Variants in GMDS observed in about 807,000 individuals in gnomAD.
GMDS encodes GDP-mannose 4,6 dehydratase.
GMDS carries 20 observed loss-of-function variants against 49.9 expected under a neutral mutation model. The observed-to-expected ratio is 0.40, with a 90% CI of 0.28 to 0.58. GMDS has a LOEUF of 0.58. Ranked by LOEUF, GMDS falls within the 20% of genes least tolerant of loss-of-function variation. The probability of loss-of-function intolerance (pLI) is 0.42; values close to 1 mark genes in which losing one functional copy is unlikely to be tolerated. For missense variants in GMDS, 362 were observed against 481.4 expected (o/e 0.75, Z 2.32); for synonymous variants, 177 against 178.6 (o/e 0.99, Z 0.07).
chr6:2,185,363 C>T (rs545090503), intron 1 of GMDS, among the ~76,000 whole-genome samples: 22 of 152,244 alleles, frequency 1.4e-4, no homozygotes, highest in Admixed American at 5.9e-4. Context: ...TGTACACCAC[C>T]ATTTCTTCCT....
chr6:1,977,772 G>A (rs187530495), intron 4 of GMDS, among the ~76,000 whole-genome samples: 13 of 152,264 alleles, frequency 8.5e-5, no homozygotes, highest in African/African-American at 3.1e-4. Context: ...AGATCCCCTC[G>A]TGAGCCCATG....
At chr6:2,194,501 T>C (rs924936902) in intron 1 of GMDS, among the ~76,000 whole-genome samples, 4 of 152,230 alleles carry the variant, frequency 2.6e-5, no homozygotes, top group African/African-American at 9.6e-5. Context: ...TAACACTAAA[T>C]TATATCTTTA....
At chr6:1,702,535 G>A (rs1236204115) in intron 9 of GMDS, among the ~76,000 whole-genome samples, 1 of 152,188 alleles carries the variant, frequency 6.6e-6, no homozygotes, top group Non-Finnish European at 1.5e-5. Context: ...ATCCACACTT[G>A]CTATGACTGA....
chr6:1,687,038 C>T (rs1363788984), intron 9 of GMDS, among the ~76,000 whole-genome samples: 1 of 152,166 alleles, frequency 6.6e-6, no homozygotes, highest in African/African-American at 2.4e-5. Context: ...TGTTTAAAAT[C>T]ACAAGTAGGA....
chr6:1,909,983 G>C (rs977100082), intron 7 of GMDS, among the ~76,000 whole-genome samples: 4 of 152,192 alleles, frequency 2.6e-5, no homozygotes, highest in Non-Finnish European at 5.9e-5. Flanking sequence ...CTGAGATGAG[G>C]TGTGCTGTGA....
chr6:2,162,487 T>C (rs1263101328), intron 1 of GMDS, among the ~76,000 whole-genome samples: 1 of 152,186 alleles, frequency 6.6e-6, no homozygotes, highest in African/African-American at 2.4e-5. Context: ...TTGAAAGTAC[T>C]TGTCTGCTAA....
At chr6:1,978,066 C>T (rs1033605114) in intron 4 of GMDS, among the ~76,000 whole-genome samples, 1 of 152,184 alleles carries the variant, frequency 6.6e-6, no homozygotes, top group African/African-American at 2.4e-5. Context: ...AGAGTGGAGA[C>T]TGCCTGAGAC....
chr6:1,817,311 C>A (rs1770713803), intron 7 of GMDS, among the ~76,000 whole-genome samples: 1 of 152,062 alleles, frequency 6.6e-6, no homozygotes, highest in African/African-American at 2.4e-5. Flanking sequence ...TCCAATTTCA[C>A]CACAAAATGT....
At chr6:1,662,602 A>G (rs1764116353) in intron 9 of GMDS, among the ~76,000 whole-genome samples, 1 of 152,166 alleles carries the variant, frequency 6.6e-6, no homozygotes, top group Non-Finnish European at 1.5e-5. Flanking sequence ...TGTCTGTACC[A>G]CTGGAACATC....
chr6:2,079,067 G>C (rs191340228), intron 4 of GMDS, among the ~76,000 whole-genome samples: 1 of 53,454 alleles, frequency 1.9e-5, no homozygotes, highest in East Asian at 5.5e-4. Context: ...CTTAAAGTCT[G>C]TTTTATCTGA....
intron 4 of GMDS, among the ~76,000 whole-genome samples, chr6:1,985,525 T>C (rs1765495356): frequency 6.6e-6 from 1 of 152,038 alleles, no homozygotes; most frequent in Non-Finnish European, 1.5e-5. Context: ...TCTTTAACAA[T>C]GACTTTTAAA....
chr6:2,148,793 A>T (rs1581714154), intron 1 of GMDS, among the ~76,000 whole-genome samples: 1 of 152,212 alleles, frequency 6.6e-6, no homozygotes. Flanking sequence ...TTTGTCAAAG[A>T]GGTGAAGTTT....
chr6:1,989,485 A>G (rs1765787966), intron 4 of GMDS, among the ~76,000 whole-genome samples: 1 of 152,264 alleles, frequency 6.6e-6, no homozygotes, highest in Non-Finnish European at 1.5e-5. Context: ...TCACATGTTC[A>G]TATTTTCACC....
At chr6:1,813,667 C>T (rs1183040587) in intron 7 of GMDS, among the ~76,000 whole-genome samples, 4 of 152,154 alleles carry the variant, frequency 2.6e-5, no homozygotes, top group South Asian at 2.1e-4. Flanking sequence ...CATCCCCATG[C>T]GACACGTAAG....
intron 7 of GMDS, among the ~76,000 whole-genome samples, chr6:1,794,742 C>T (rs375872735): frequency 3.9e-5 from 6 of 152,254 alleles, no homozygotes; most frequent in East Asian, 1.9e-4. Context: ...GTGTACTATT[C>T]GGGACACGTC....
intron 7 of GMDS, among the ~76,000 whole-genome samples, chr6:1,846,762 T>C (rs1203355718): frequency 6.6e-6 from 1 of 152,206 alleles, no homozygotes; most frequent in Non-Finnish European, 1.5e-5. Flanking sequence ...GAAGACTGTG[T>C]GTACCGGAAA....
intron 9 of GMDS, among the ~76,000 whole-genome samples, chr6:1,687,649 G>A (rs1765022681): frequency 6.6e-6 from 1 of 152,182 alleles, no homozygotes; most frequent in Non-Finnish European, 1.5e-5. Flanking sequence ...TTCCATTCTA[G>A]CGGGAGGAGA....
intron 1 of GMDS, among the ~76,000 whole-genome samples, chr6:2,192,925 A>C (rs991923161): frequency 6.6e-6 from 1 of 152,230 alleles, no homozygotes; most frequent in Non-Finnish European, 1.5e-5. Flanking sequence ...ACAGCTTTCC[A>C]ACCAGAAAAA....
chr6:1,758,978 A>T (rs1452650186), intron 7 of GMDS, among the ~76,000 whole-genome samples: 1 of 152,156 alleles, frequency 6.6e-6, no homozygotes, highest in Non-Finnish European at 1.5e-5. Flanking sequence ...GCTGGAGTGT[A>T]GTGGCACGAT....
Sources: gnomAD v4.1 joint callset for allele counts (sites outside exome capture counted in the v4.1 genomes callset) on GRCh38, gnomAD v4.1.1 for gene constraint, MANE v1.5 for transcripts, NCBI Gene and HGNC (gene_info 2026-07-23, HGNC 2026-07-21) for gene names.